The following LRIG1 variants were observed in gnomAD, a reference collection of about 807,000 sequenced individuals.
LRIG1 encodes leucine-rich repeats and immunoglobulin-like domains protein 1.
LRIG1 carries 48 observed loss-of-function variants against 99.2 expected under a neutral mutation model. The observed-to-expected ratio is 0.48, with a 90% CI of 0.38 to 0.62. The LOEUF (loss-of-function observed/expected upper bound fraction) is 0.62, where lower values mean the gene tolerates loss of function less well. LRIG1 is among the 20% of genes least tolerant of loss of function. The pLI is 0.00. For missense variants in LRIG1, 1,646 were observed against 1,434.4 expected, an observed-to-expected ratio of 1.15 and a Z score of -2.38; for synonymous variants, 772 against 596.1, an observed-to-expected ratio of 1.29 and a Z score of -4.30.
At chr3:66,444,686 C>G (rs1218229743) in intron 3 of LRIG1, among the ~76,000 whole-genome samples, 1 of 152,210 alleles carries the variant, frequency 6.6e-6, no homozygotes, top group African/African-American at 2.4e-5. Context: ...GACCCAGTGA[C>G]TTGTGTCTCA....
At chr3:66,392,631 G>T (rs1254707594) in intron 12 of LRIG1, among the ~76,000 whole-genome samples, 1 of 150,168 alleles carries the variant, frequency 6.7e-6, no homozygotes, top group Non-Finnish European at 1.5e-5. Flanking sequence ...AAAATGTGGG[G>T]GTGGGGATGA....
At chr3:66,430,220 ATCC>A (rs1703125065) in intron 3 of LRIG1, among the ~76,000 whole-genome samples, 1 of 152,190 alleles carries the variant, frequency 6.6e-6, no homozygotes, top group African/African-American at 2.4e-5. Context: ...AGGACCAACC[ATCC>A]AATTAAAAAC....
At chr3:66,389,607 T>G (rs768570317) in intron 12 of LRIG1, among the ~76,000 whole-genome samples, 2 of 152,064 alleles carry the variant, frequency 1.3e-5, no homozygotes, top group African/African-American at 2.4e-5. Context: ...TGTAAAAGGG[T>G]CAATGCATCA....
In LRIG1 at chr3:66,382,288, G is replaced by A; in HGVS notation, c.2602C>T (p.His868Tyr). 6.2e-7 allele frequency: 1 copy of A among 1,614,162 alleles called. No individual in the cohort carries two copies. The highest frequency in any genetic ancestry group is 8.5e-7 in the Non-Finnish European group (1 of 1,180,018). Reference sequence around the variant, plus strand: ...GAGGCCTTACCATTGCTCTCAATGTGCCCATTGGCCTGAGGGCCACCCTCG... The same window carrying A: ...GAGGCCTTACCATTGCTCTCAATGTACCCATTGGCCTGAGGGCCACCCTCG... ...RTEGGPQANGHIESNGVCPRD... is the reference protein window; with the variant it reads ...RTEGGPQANGYIESNGVCPRD... Residue 868 changes from histidine to tyrosine, a missense_variant, in exon 16 of 19, where the codon CAC becomes TAC. By Grantham distance (83) the His-to-Tyr change is moderately conservative. Transcript: ENST00000273261.
chr3:66,399,062 G>C (rs373057388), intron 9 of LRIG1, 21 bp from the exon 10 acceptor site: 9 of 1,599,952 alleles, frequency 5.6e-6, no homozygotes, highest in Non-Finnish European at 6.9e-6. Context: ...CAAACATCCA[G>C]AAATTAAGGC....
At chr3:66,500,048 CAG>C (rs1701320308) in intron 1 of LRIG1, 140 bp downstream of exon 1, 1 of 621,162 alleles carries the variant, frequency 1.6e-6, no homozygotes, top group Non-Finnish European at 2.6e-6. Context: ...TCCAACCTGA[CAG>C]TCTTCCAACA....
At position 66,489,966 on chromosome 3, in the gene LRIG1, C is replaced by A. The variant is rs181856593; in HGVS notation, c.218+10224G>T. On this transcript the variant is annotated intron_variant, in intron 1 of 18. Transcript: ENST00000273261. Reference sequence around the variant, plus strand: ...TTTCTGTCCAGAAAGACATTCTGAGCACCACGACTTCACATAAAGTTTCTC... The same window carrying A: ...TTTCTGTCCAGAAAGACATTCTGAGAACCACGACTTCACATAAAGTTTCTC... Among the ~76,000 whole-genome samples, 321 of 149,450 alleles carry A rather than the reference C, an allele frequency of 2.1e-3. 1 individual carries two copies. Among genetic ancestry groups the A allele is most frequent in the Non-Finnish European group, 3.7e-3 (252 of 68,010 alleles).
intron 3 of LRIG1, among the ~76,000 whole-genome samples, chr3:66,433,787 A>C (rs1703255043): frequency 6.6e-6 from 1 of 152,138 alleles, no homozygotes. Context: ...TTGTTACAAC[A>C]CCAAAGTGGC....
intron 1 of LRIG1, among the ~76,000 whole-genome samples, chr3:66,492,073 G>C (rs1701113724): frequency 6.6e-6 from 1 of 152,180 alleles, no homozygotes; most frequent in Non-Finnish European, 1.5e-5. Context: ...TTTTCTCTAA[G>C]CAGAGCCCAG....
intron 2 of LRIG1, among the ~76,000 whole-genome samples, chr3:66,459,119 G>A (rs188280797): frequency 6.6e-6 from 1 of 152,100 alleles, no homozygotes; most frequent in African/African-American, 2.4e-5. Flanking sequence ...CAATTACTGT[G>A]ACTGTTCCTA....
At chr3:66,425,307 T>G (rs575199662) in intron 3 of LRIG1, among the ~76,000 whole-genome samples, 1 of 152,380 alleles carries the variant, frequency 6.6e-6, no homozygotes, top group East Asian at 1.9e-4. Flanking sequence ...CTCAGCCTGT[T>G]CTACGTAGCT....
At chr3:66,384,892 C>G (rs556823357) in intron 13 of LRIG1, among the ~76,000 whole-genome samples, 1 of 152,244 alleles carries the variant, frequency 6.6e-6, no homozygotes, top group South Asian at 2.1e-4. Flanking sequence ...TTCCTGTCAA[C>G]GTCAATTTTG....
chr3:66,461,853 G>A (rs1168342987), intron 2 of LRIG1, among the ~76,000 whole-genome samples: 1 of 152,190 alleles, frequency 6.6e-6, no homozygotes, highest in East Asian at 1.9e-4. Flanking sequence ...AGCTCCAAAG[G>A]CAGTCATACC....
At chr3:66,395,441 A>G (rs1575656729) in intron 11 of LRIG1, among the ~76,000 whole-genome samples, 2 of 152,218 alleles carry the variant, frequency 1.3e-5, no homozygotes, top group East Asian at 3.8e-4. Flanking sequence ...GGCTAAATTA[A>G]GTAAAATCCA....
chr3:66,394,140 A>C lies in LRIG1; in HGVS notation c.1368T>G (p.Ile456Met), dbSNP rs1701742744. 5 of 1,612,046 alleles carry C rather than the reference A, an allele frequency of 3.1e-6. No homozygotes were observed. Among genetic ancestry groups the C allele is most frequent in the Non-Finnish European group, 3.4e-6 (4 of 1,179,392 alleles). ...CQLKWLPPWL[I>M]GRMLQAFVTA... is the part of the protein sequence containing the mutation. ...TCACAAAGGCCTGCAGCATCCTGCCAATTAGCCACGGGGGCAGCCACTTCA... is the reference window on the plus strand; with the variant it reads ...TCACAAAGGCCTGCAGCATCCTGCCCATTAGCCACGGGGGCAGCCACTTCA... The change falls in exon 12 of 19, where the codon ATT becomes ATG. Residue 456 changes from isoleucine to methionine, a missense_variant. Ile to Met is a conservative substitution (Grantham distance 10, BLOSUM62 1). Coordinates refer to ENST00000273261, the MANE Select transcript of LRIG1 (RefSeq NM_015541.3).
Position 66,462,483 on chromosome 3 carries a change from T to G in LRIG1, c.245A>C (p.Glu82Ala). ...GTCCTCAAAACCAGCAGGGTCAATC[T>G]CAGAGAGTTTGTTGTAACTCAGGTT... Reference protein sequence around the residue: ...SLNLSYNKLSEIDPAGFEDLP... With the variant: ...SLNLSYNKLSAIDPAGFEDLP... Residue 82 changes from glutamate (E) to alanine (A), a missense_variant, in exon 2 of 19, where the codon GAG becomes GCG. Coordinates refer to ENST00000273261, the MANE Select transcript of LRIG1 (RefSeq NM_015541.3). 1.2e-6 allele frequency: 2 copies of G among 1,612,616 alleles called. No individual in the cohort carries two copies. The highest frequency in any genetic ancestry group is 1.7e-6 in the Non-Finnish European group (2 of 1,179,340).
At chr3:66,399,113 A>G in intron 9 of LRIG1, 72 bp from the exon 10 acceptor site, 5 of 1,233,258 alleles carry the variant, frequency 4.1e-6, no homozygotes, top group Admixed American at 1.9e-5. Context: ...AGAGAAAGAA[A>G]AAGAAAAAGA....
rs529189327 is a variant in LRIG1 at position 66,495,216 on chromosome 3, C to G, written c.218+4974G>C. 2.0e-5 allele frequency among the ~76,000 whole-genome samples: 3 copies of G among 152,340 alleles called. No homozygotes were observed. In the South Asian group the frequency reaches 6.2e-4, roughly 32 times the overall value. On this transcript the variant is annotated intron_variant, in intron 1 of 18. Transcript: ENST00000273261. ...TAACAGTAACGGTCCCTAAATTTCC[C>G]ACAGGCTGGTAAACACTGGAGATTT... is the stretch of plus-strand genomic sequence containing the variant.
chr3:66,430,625 T>C (rs1432154250), intron 3 of LRIG1, among the ~76,000 whole-genome samples: 2 of 152,148 alleles, frequency 1.3e-5, no homozygotes, highest in Admixed American at 1.3e-4. Flanking sequence ...CATCCTAACA[T>C]GGGCAGTGAC....
Sources: allele counts gnomAD v4.1 joint callset (sites outside exome capture counted in the v4.1 genomes callset), GRCh38; gene constraint gnomAD v4.1.1; transcripts MANE v1.5; gene names NCBI Gene and HGNC (gene_info 2026-07-23, HGNC 2026-07-21).